HS6ST3: variants seen among roughly 807,000 people sequenced by gnomAD.
HS6ST3 encodes heparan sulfate 6-O-sulfotransferase 3.
In HS6ST3, 12 loss-of-function variants were observed where a neutral mutation model predicts 36.7. The observed-to-expected ratio is 0.33, with a 90% CI of 0.21 to 0.53. The LOEUF is 0.53. Ranked by LOEUF, HS6ST3 falls within the 20% of genes least tolerant of loss-of-function variation. The pLI is 0.95. For synonymous variants in HS6ST3, 240 were observed against 257.5 expected, an observed-to-expected ratio of 0.93 and a Z score of 0.65; for missense variants, 584 against 640.9, an observed-to-expected ratio of 0.91 and a Z score of 0.96.
chr13:96,259,080 G>GAGC lies in HS6ST3; in HGVS notation c.707+167513_707+167515dup, dbSNP rs529673961. Among the ~76,000 whole-genome samples, 27 of 152,246 alleles carry GAGC rather than the reference G, an allele frequency of 1.8e-4. No homozygotes were observed. The South Asian group carries it at 5.4e-3, about 30-fold the overall frequency. On this transcript the variant is annotated intron_variant, in intron 1 of 1. Transcript: ENST00000376705. ...TATGCAGGAAATTAGGGGAAGGAGAGAGCACATTAACTTGCTGTAAACTGC... is the reference window on the plus strand; with the variant it reads ...TATGCAGGAAATTAGGGGAAGGAGAGAGCAGCACATTAACTTGCTGTAAACTGC...
At chr13:96,574,342 T>C (rs1438711671) in intron 1 of HS6ST3, 2 of 398,792 alleles carry the variant, frequency 5.0e-6, no homozygotes, top group Non-Finnish European at 9.8e-6. Flanking sequence ...TCAGGAAAGG[T>C]AGCTTTAAGG....
intron 1 of HS6ST3, among the ~76,000 whole-genome samples, chr13:96,830,478 T>C (rs1225957540): frequency 6.6e-6 from 1 of 152,236 alleles, no homozygotes; most frequent in African/African-American, 2.4e-5. Flanking sequence ...AATAGACTCC[T>C]ACTGTCTATC....
chr13:96,207,991 A>G (rs553097486), intron 1 of HS6ST3, among the ~76,000 whole-genome samples: 2 of 152,334 alleles, frequency 1.3e-5, no homozygotes, highest in South Asian at 2.1e-4. Context: ...AACTTAAAGT[A>G]AAAGTTGAAG....
chr13:96,473,988 G>A lies in HS6ST3; in HGVS notation c.708-358502G>A, dbSNP rs139101777. 3.3e-3 allele frequency among the ~76,000 whole-genome samples: 509 copies of A among 152,304 alleles called. 1 individual carries two copies. The highest frequency in any genetic ancestry group is 0.012 in the African/African-American group (493 of 41,566). On this transcript the variant is annotated intron_variant, in intron 1 of 1. Transcript: ENST00000376705. ...GGAAGGACCTCGCCAAATGTGGTGA[G>A]CATTCCTGTGTTGTCGCTTGGCTTT...
intron 1 of HS6ST3, among the ~76,000 whole-genome samples, chr13:96,323,327 G>T (rs1039689136): frequency 6.6e-6 from 1 of 152,094 alleles, no homozygotes; most frequent in African/African-American, 2.4e-5. Context: ...TAAAAATCTT[G>T]TATTATCTCT....
intron 1 of HS6ST3, among the ~76,000 whole-genome samples, chr13:96,497,299 A>G (rs2055982061): frequency 1.3e-5 from 2 of 152,174 alleles, no homozygotes; most frequent in Non-Finnish European, 2.9e-5. Context: ...ATTCTGACCC[A>G]TGAACTTAAA....
chr13:96,668,686 C>CTTTTTTTTTTTTTTTTTTT (rs146033180), intron 1 of HS6ST3, among the ~76,000 whole-genome samples: 1 of 58,942 alleles, frequency 1.7e-5, no homozygotes, highest in African/African-American at 6.8e-5. Context: ...TAGTGCCAAC[C>CTTTTTTTTTTTTTTTTTTT]TTTTTTTTTT....
rs567797097 is a variant in HS6ST3 at position 96,203,549 on chromosome 13, A to G, written c.707+111980A>G. Among the ~76,000 whole-genome samples the G allele has an allele frequency of 3.3e-5, 5 of 152,330 alleles. No homozygotes were observed. The East Asian group carries it at 9.6e-4, about 29-fold the overall frequency. ...GTTAGACTATCCTAAACTAGTGTTA[A>G]TCTGTTTTAAAATTAATTTGCTTCC... On this transcript the variant is annotated intron_variant, in intron 1 of 1. Coordinates refer to ENST00000376705, the MANE Select transcript of HS6ST3 (RefSeq NM_153456.4).
chr13:96,326,805 A>T (rs2055034485), intron 1 of HS6ST3, among the ~76,000 whole-genome samples: 2 of 151,588 alleles, frequency 1.3e-5, no homozygotes, highest in South Asian at 2.1e-4. Flanking sequence ...ACAGTGTAAA[A>T]GTGTTCCTAT....
chr13:96,495,224 G>A (rs192362614), intron 1 of HS6ST3, among the ~76,000 whole-genome samples: 1 of 152,086 alleles, frequency 6.6e-6, no homozygotes, highest in Admixed American at 6.5e-5. Context: ...ATTTGTTAAC[G>A]AAAAGAGAAC....
intron 1 of HS6ST3, among the ~76,000 whole-genome samples, chr13:96,688,969 C>T (rs1874861607): frequency 6.6e-6 from 1 of 152,188 alleles, no homozygotes; most frequent in Admixed American, 6.6e-5. Flanking sequence ...CAAAGAGGCA[C>T]CATCTTTGGA....
intron 1 of HS6ST3, among the ~76,000 whole-genome samples, chr13:96,594,859 T>G (rs1224789698): frequency 6.6e-6 from 1 of 152,184 alleles, no homozygotes; most frequent in African/African-American, 2.4e-5. Context: ...CTCATTATCA[T>G]TTTTTTCTTT....
At chr13:96,826,775 A>T (rs1878657944) in intron 1 of HS6ST3, among the ~76,000 whole-genome samples, 1 of 152,236 alleles carries the variant, frequency 6.6e-6, no homozygotes, top group Non-Finnish European at 1.5e-5. Context: ...GTTTGAAACC[A>T]GTTATGGAAA....
chr13:96,656,348 G>T (rs1343351698), intron 1 of HS6ST3, among the ~76,000 whole-genome samples: 1 of 152,094 alleles, frequency 6.6e-6, no homozygotes, highest in Non-Finnish European at 1.5e-5. Flanking sequence ...CAAGATTCCA[G>T]TTATGTCACA....
chr13:96,635,801 G>A (rs1434268370), intron 1 of HS6ST3, among the ~76,000 whole-genome samples: 1 of 152,058 alleles, frequency 6.6e-6, no homozygotes, highest in Non-Finnish European at 1.5e-5. Context: ...CACTATATTG[G>A]CCCTGCCTCT....
intron 1 of HS6ST3, among the ~76,000 whole-genome samples, chr13:96,185,120 G>A (rs9302091): frequency 0.92 from 140,493 of 152,286 alleles, 64,933 homozygotes; most frequent in African/African-American, 0.94. Flanking sequence ...TATGATCTTA[G>A]TAACTCATAA....
intron 1 of HS6ST3, among the ~76,000 whole-genome samples, chr13:96,649,352 G>A (rs773282522): frequency 4.0e-5 from 6 of 151,866 alleles, no homozygotes; most frequent in African/African-American, 1.5e-4. Flanking sequence ...ATCAGATCTC[G>A]TGAAAACTAA....
chr13:96,290,314 G>A (rs990937295), intron 1 of HS6ST3, among the ~76,000 whole-genome samples: 5 of 152,262 alleles, frequency 3.3e-5, no homozygotes, highest in Admixed American at 6.5e-5. Context: ...TCCCTGTGGT[G>A]TTAATGGGTT....
chr13:96,325,014 G>A (rs190477607), intron 1 of HS6ST3, among the ~76,000 whole-genome samples: 1,754 of 152,208 alleles, frequency 0.012, 35 homozygotes, highest in African/African-American at 0.04. Flanking sequence ...TGTTTAAATC[G>A]CAGAGCTTTA....
Sources: gnomAD v4.1 joint callset for allele counts (sites outside exome capture counted in the v4.1 genomes callset) on GRCh38, gnomAD v4.1.1 for gene constraint, MANE v1.5 for transcripts, NCBI Gene and HGNC (gene_info 2026-07-23, HGNC 2026-07-21) for gene names.